Variants in DNAJB14 observed in about 807,000 individuals in gnomAD.
The protein encoded by DNAJB14 is DnaJ heat shock protein family (Hsp40) member B14.
DNAJB14 carries 22 observed loss-of-function variants against 48.4 expected under a neutral mutation model. The ratio of observed to expected loss-of-function variants is 0.45; its 90% CI spans 0.32 to 0.65. The LOEUF (loss-of-function observed/expected upper bound fraction) is 0.65. DNAJB14 is among the 30% of genes least tolerant of loss of function. The pLI, the probability that DNAJB14 is intolerant of heterozygous loss-of-function variation, is 0.03. For synonymous variants in DNAJB14, 142 were observed against 158.7 expected (o/e 0.89, Z 0.79); for missense variants, 319 against 458.8 (o/e 0.70, Z 2.78).
At chr4:99,909,835 C>G (rs1725598222) in intron 3 of DNAJB14, among the ~76,000 whole-genome samples, 1 of 151,834 alleles carries the variant, frequency 6.6e-6, no homozygotes, top group Non-Finnish European at 1.5e-5. Flanking sequence ...TGAAACTAAT[C>G]CAGAAAATTG....
At chr4:99,915,148 C>T (rs1332892000) in intron 3 of DNAJB14, among the ~76,000 whole-genome samples, 1 of 152,184 alleles carries the variant, frequency 6.6e-6, no homozygotes, top group Non-Finnish European at 1.5e-5. Flanking sequence ...CAAGTTTCCT[C>T]TCAGCATTCC....
intron 6 of DNAJB14, among the ~76,000 whole-genome samples, chr4:99,904,907 A>C (rs200371852): frequency 6.6e-6 from 1 of 151,996 alleles, no homozygotes; most frequent in East Asian, 1.9e-4. Context: ...AAGTTATCTC[A>C]ATTTTTTGTT....
rs999829427 is a variant in DNAJB14 at position 99,899,150 on chromosome 4, G to T, written c.*1878C>A. ...AACTTCACCTATCTCCTTAAAGCTG[G>T]GATTAAGGGAAAAAGAATCAGTCAA... On this transcript the variant is annotated 3_prime_UTR_variant, in exon 8 of 8. Coordinates refer to ENST00000442697, the MANE Select transcript of DNAJB14 (RefSeq NM_001031723.4). The T allele has an allele frequency of 1.3e-5, 2 of 151,564 alleles. No homozygotes were observed. Among genetic ancestry groups the T allele is most frequent in the African/African-American group, 2.4e-5 (1 of 41,316 alleles). The allele number at this position is 151,564 out of a possible 1,614,324, so 9.4% of individuals were successfully genotyped here. A position where few individuals can be genotyped will look rare whatever the true frequency, so the allele number is the denominator to read the frequency against.
chr4:99,925,487 ACTC>A (rs1726218885), intron 2 of DNAJB14: 1 of 152,116 alleles, frequency 6.6e-6, no homozygotes, highest in African/African-American at 2.4e-5. Flanking sequence ...TATCTCATTT[ACTC>A]CTCATTTGGT....
chr4:99,939,524 G>C (rs1239053303), intron 1 of DNAJB14, among the ~76,000 whole-genome samples: 1 of 151,738 alleles, frequency 6.6e-6, no homozygotes, highest in Admixed American at 6.6e-5. Flanking sequence ...TTAACACCTA[G>C]ATTTTGGATA....
At chr4:99,907,505 T>G (rs1725508667) in intron 4 of DNAJB14, among the ~76,000 whole-genome samples, 2 of 151,922 alleles carry the variant, frequency 1.3e-5, no homozygotes, top group African/African-American at 4.8e-5. Context: ...CAAGACCCTG[T>G]CTCTACAAAA....
intron 2 of DNAJB14, chr4:99,927,529 C>A (rs2110212464): frequency 6.6e-6 from 1 of 152,292 alleles, no homozygotes; most frequent in African/African-American, 2.4e-5. Context: ...TAATTTCACA[C>A]TGATCTTGTA....
At chr4:99,903,616 C>G in intron 7 of DNAJB14, 110 bp downstream of exon 7, 1 of 1,186,448 alleles carries the variant, frequency 8.4e-7, no homozygotes, top group Non-Finnish European at 1.2e-6. Flanking sequence ...TACTGTGCTC[C>G]AATTATGTGC....
chr4:99,920,139 A>G (rs1578224027), intron 3 of DNAJB14, among the ~76,000 whole-genome samples: 1 of 152,232 alleles, frequency 6.6e-6, no homozygotes, highest in East Asian at 1.9e-4. Context: ...TTAAATAAGC[A>G]TTAAATGTAA....
At chr4:99,920,145 T>G (rs1459429599) in intron 3 of DNAJB14, among the ~76,000 whole-genome samples, 1 of 152,206 alleles carries the variant, frequency 6.6e-6, no homozygotes, top group African/African-American at 2.4e-5. Flanking sequence ...AAGCATTAAA[T>G]GTAAAAATGG....
At chr4:99,931,124 T>C (rs1395194057) in intron 1 of DNAJB14, among the ~76,000 whole-genome samples, 1 of 152,120 alleles carries the variant, frequency 6.6e-6, no homozygotes, top group African/African-American at 2.4e-5. Context: ...AAATAGAAAA[T>C]TTATCACTAA....
chr4:99,935,808 C>T (rs1349818431), intron 1 of DNAJB14, among the ~76,000 whole-genome samples: 1 of 152,178 alleles, frequency 6.6e-6, no homozygotes, highest in Admixed American at 6.5e-5. Flanking sequence ...TGGCTCACGC[C>T]TGTAATCCCA....
chr4:99,921,501 A>G (rs1726060097), intron 3 of DNAJB14, among the ~76,000 whole-genome samples: 1 of 152,218 alleles, frequency 6.6e-6, no homozygotes, highest in Non-Finnish European at 1.5e-5. Context: ...CATGACTTCA[A>G]TATAGAAGTG....
intron 1 of DNAJB14, among the ~76,000 whole-genome samples, chr4:99,937,447 G>A (rs1465654042): frequency 6.6e-6 from 1 of 151,718 alleles, no homozygotes; most frequent in Non-Finnish European, 1.5e-5. Flanking sequence ...CACATCAGCA[G>A]GGCACGGTAG....
chr4:99,902,742 G>T (rs1043477477), intron 7 of DNAJB14, among the ~76,000 whole-genome samples: 3 of 152,128 alleles, frequency 2.0e-5, no homozygotes, highest in African/African-American at 7.2e-5. Flanking sequence ...GGAGCACAGG[G>T]CCTGGATTCT....
At chr4:99,913,621 G>GTTTTTTT (rs372025043) in intron 3 of DNAJB14, among the ~76,000 whole-genome samples, 2 of 107,602 alleles carry the variant, frequency 1.9e-5, no homozygotes, top group African/African-American at 3.4e-5. Context: ...CTGGTCTGTA[G>GTTTTTTT]TTTTTTTTTT....
chr4:99,938,443 G>A (rs989290619), intron 1 of DNAJB14, among the ~76,000 whole-genome samples: 1 of 150,764 alleles, frequency 6.6e-6, no homozygotes, highest in Non-Finnish European at 1.5e-5. Context: ...TGGTTACGCT[G>A]TGATTATCTA....
intron 4 of DNAJB14, among the ~76,000 whole-genome samples, chr4:99,908,372 A>G (rs1725539961): frequency 1.3e-5 from 2 of 152,276 alleles, no homozygotes; most frequent in South Asian, 4.1e-4. Flanking sequence ...TCAAATAGTT[A>G]TCCAGGTTTA....
intron 4 of DNAJB14, among the ~76,000 whole-genome samples, chr4:99,907,962 A>G (rs1276131874): frequency 1.3e-5 from 2 of 152,192 alleles, no homozygotes; most frequent in Non-Finnish European, 2.9e-5. Flanking sequence ...TCAAGTAAAC[A>G]TGATGTACTA....
Sources: gnomAD v4.1 joint callset for allele counts (sites outside exome capture counted in the v4.1 genomes callset) on GRCh38, gnomAD v4.1.1 for gene constraint, MANE v1.5 for transcripts, NCBI Gene and HGNC (gene_info 2026-07-23, HGNC 2026-07-21) for gene names.